The following TEX10 variants were observed in gnomAD, a reference collection of about 807,000 sequenced individuals.
TEX10 encodes testis expressed 10.
In TEX10, 24 loss-of-function variants were observed where a neutral mutation model predicts 104.4. The ratio of observed to expected loss-of-function variants is 0.23; its 90% CI spans 0.17 to 0.32. TEX10 has a LOEUF of 0.32. Among genes scored for constraint, TEX10 ranks in the 10% least tolerant of loss-of-function variants. The pLI, the probability that TEX10 is intolerant of heterozygous loss-of-function variation, is 1.00. For missense variants in TEX10, 921 were observed against 1,083.9 expected, an observed-to-expected ratio of 0.85 and a Z score of 2.11; for synonymous variants, 396 against 393.4, an observed-to-expected ratio of 1.01 and a Z score of -0.08.
At position 100,348,185 on chromosome 9, in the gene TEX10, T is replaced by C. The variant is rs530334106; in HGVS notation, c.181-779A>G. Among the ~76,000 whole-genome samples the C allele has an allele frequency of 5.9e-5, 9 of 152,380 alleles. No individual in the cohort carries two copies. The South Asian group carries it at 8.3e-4, about 14-fold the overall frequency. ...GCCAGTAACAAAAGGCCATGTATTA[T>C]ATGATTTCATTTATATGCACTTTCT... On this transcript the variant is annotated intron_variant, in intron 2 of 14. Transcript: ENST00000374902.
chr9:100,323,762 G>GT (rs1834634331), intron 9 of TEX10, among the ~76,000 whole-genome samples: 1 of 152,080 alleles, frequency 6.6e-6, no homozygotes, highest in Admixed American at 6.5e-5. Flanking sequence ...AGACAGCAAG[G>GT]TATCAGAACT....
Position 100,310,429 on chromosome 9 carries a change from G to A in TEX10, c.2203-50C>T, listed in dbSNP as rs767645559. ...AACCAAATCAGAACATTTTAGATCA[G>A]AAACAAGTTCAACAGATTCTTTTTT... On this transcript the variant is annotated intron_variant, in intron 11 of 14. Transcript: ENST00000374902. 1.1e-5 allele frequency: 17 copies of A among 1,506,456 alleles called. No homozygotes were observed. In the African/African-American group the frequency reaches 2.2e-4, roughly 20 times the overall value. The allele number at this position is 1,506,456 out of a possible 1,614,324, so 93.3% of individuals were successfully genotyped here.
At chr9:100,344,806 A>G (rs996972090) in intron 4 of TEX10, among the ~76,000 whole-genome samples, 37 of 152,236 alleles carry the variant, frequency 2.4e-4, no homozygotes, top group Admixed American at 1.2e-3. Context: ...AGATCGTGCC[A>G]CTGTACTCCA....
At chr9:100,310,078 C>G (rs1834235682) in intron 12 of TEX10, among the ~76,000 whole-genome samples, 1 of 152,090 alleles carries the variant, frequency 6.6e-6, no homozygotes, top group Non-Finnish European at 1.5e-5. Flanking sequence ...AAAGTGAGGT[C>G]CTAAGAAGAG....
At chr9:100,337,925 G>A (rs1289527218) in intron 5 of TEX10, among the ~76,000 whole-genome samples, 2 of 152,116 alleles carry the variant, frequency 1.3e-5, no homozygotes, top group African/African-American at 2.4e-5. Flanking sequence ...ATAGCACTTA[G>A]TTGTATAGTT....
In TEX10 at chr9:100,319,675, G is replaced by A. The variant is rs371333521; in HGVS notation, c.2202+590C>T. ...CAAAAAATTAGCCAGGTGCAGTGGCGCCTGCCTGTAATCCCAGCTACTTGG... is the reference window on the plus strand; with the variant it reads ...CAAAAAATTAGCCAGGTGCAGTGGCACCTGCCTGTAATCCCAGCTACTTGG... On this transcript the variant is annotated intron_variant, in intron 11 of 14. Transcript: ENST00000374902. 3.3e-5 allele frequency among the ~76,000 whole-genome samples: 5 copies of A among 151,890 alleles called. No individual in the cohort carries two copies. In the East Asian group the frequency reaches 5.8e-4, roughly 18 times the overall value.
chr9:100,313,597 C>A (rs551151208), intron 11 of TEX10, among the ~76,000 whole-genome samples: 17 of 151,532 alleles, frequency 1.1e-4, no homozygotes, highest in Admixed American at 2.6e-4. Flanking sequence ...ACCTGTAATT[C>A]CAGCACTTTG....
intron 14 of TEX10, 73 bp downstream of exon 14, chr9:100,303,559 C>CT (rs746365397): frequency 2.0e-6 from 3 of 1,530,870 alleles, no homozygotes; most frequent in Non-Finnish European, 2.7e-6. Flanking sequence ...TCAAAACACA[C>CT]TTTCCCCCAT....
chr9:100,333,481 G>T (rs985988305), intron 5 of TEX10, among the ~76,000 whole-genome samples: 14 of 151,882 alleles, frequency 9.2e-5, no homozygotes, highest in Admixed American at 6.6e-4. Context: ...TATATGGAAA[G>T]GTCAAAGACC....
At chr9:100,326,741 G>A (rs1834714784) in intron 8 of TEX10, among the ~76,000 whole-genome samples, 1 of 152,096 alleles carries the variant, frequency 6.6e-6, no homozygotes, top group Non-Finnish European at 1.5e-5. Context: ...AAAACTTTCA[G>A]GGGGGTAATA....
In TEX10 at chr9:100,346,271, G is replaced by A. The variant is rs1230738006; in HGVS notation, c.938C>T (p.Ser313Phe). ...AATAAATCCTTTCAGGTTTTCAGTAGATGACAGGCCTTCATCCACACCACT... is the reference window on the plus strand; with the variant it reads ...AATAAATCCTTTCAGGTTTTCAGTAAATGACAGGCCTTCATCCACACCACT... ...GLSGVDEGLS[S>F]TENLKGFIEI... is the part of the protein sequence containing the mutation. Residue 313 changes from serine (S) to phenylalanine (F), a missense_variant, in exon 4 of 15, where the codon TCT becomes TTT. Ser to Phe is a radical substitution (Grantham distance 155). Around this residue, in one of 3 missense-constraint regions of TEX10, gnomAD observed 753 missense variants for 868.4 expected, o/e 0.87. Transcript: ENST00000374902. 1.2e-6 allele frequency: 2 copies of A among 1,614,000 alleles called. No individual in the cohort carries two copies. The highest frequency in any genetic ancestry group is 1.7e-6 in the Non-Finnish European group (2 of 1,179,948).
chr9:100,305,223 T>G (rs1834116359), intron 13 of TEX10: 1 of 152,224 alleles, frequency 6.6e-6, no homozygotes, highest in African/African-American at 2.4e-5. Flanking sequence ...ATCTTCCTAG[T>G]TCCTAAATCT....
At position 100,308,500 on chromosome 9, in the gene TEX10, C is replaced by T; in HGVS notation, c.2465G>A (p.Arg822Lys). ...EKGEAEHLRKRDKLWGVCVSI... is the reference protein window; with the variant it reads ...EKGEAEHLRKKDKLWGVCVSI... The stretch of plus-strand genomic sequence containing the variant: ...AGGTTGAAGAATAAAAAATAATTAC[C>T]TCTTTCTTAGATGTTCTGCTTCCCC... Residue 822 changes from arginine (R) to lysine (K), a missense_variant and splice_region_variant, in exon 13 of 15, where the codon AGG (arginine) becomes AAG (lysine). This residue lies in a region of TEX10 where 753 missense variants were observed against 868.4 expected (regional missense o/e 0.87). Transcript: ENST00000374902. The T allele has an allele frequency of 6.4e-7, 1 of 1,574,706 alleles. No homozygotes were observed. Among genetic ancestry groups the T allele is most frequent in the Non-Finnish European group, 8.6e-7 (1 of 1,166,458 alleles).
At chr9:100,307,022 C>T (rs1257248539) in intron 13 of TEX10, 1 of 152,134 alleles carries the variant, frequency 6.6e-6, no homozygotes, top group African/African-American at 2.4e-5. Context: ...CTTATAAAGC[C>T]TTTTCTTGAC....
At chr9:100,337,686 G>A (rs1378212758) in intron 5 of TEX10, among the ~76,000 whole-genome samples, 1 of 152,160 alleles carries the variant, frequency 6.6e-6, no homozygotes, top group African/African-American at 2.4e-5. Flanking sequence ...CCACATCAAG[G>A]CCAGTGAAGA....
intron 2 of TEX10, among the ~76,000 whole-genome samples, chr9:100,348,297 G>A (rs1014492961): frequency 6.6e-6 from 1 of 152,210 alleles, no homozygotes; most frequent in African/African-American, 2.4e-5. Flanking sequence ...ATGGGTATAA[G>A]TTTTCTTCTT....
chr9:100,349,184 C>T lies in TEX10; in HGVS notation c.180G>A (p.Lys60=). ...TGTCAAAACATGATTTATGATTTAC[C>T]TTTATGTTAAGTTTTCTATTGTTTG... is the stretch of plus-strand genomic sequence containing the variant. The part of the protein sequence containing the change: ...LPTNNRKLNI[K]DLLSQMHHYN... Residue 60 remains lysine, a splice_region_variant and synonymous_variant, in exon 2 of 15, where the codon AAG becomes AAA. Transcript: ENST00000374902. 1.3e-6 allele frequency: 2 copies of T among 1,529,292 alleles called. No individual in the cohort carries two copies. The highest frequency in any genetic ancestry group is 2.7e-5 in the South Asian group (2 of 74,670). 94.7% of individuals were successfully genotyped at this position (1,529,292 alleles called of 1,614,324 possible). A position where few individuals can be genotyped will look rare whatever the true frequency, so the allele number is the denominator to read the frequency against.
chr9:100,329,787 A>G (rs935922832), intron 6 of TEX10, 144 bp downstream of exon 6: 1 of 729,240 alleles, frequency 1.4e-6, no homozygotes, highest in Non-Finnish European at 2.3e-6. Context: ...TCAGTGTTCA[A>G]GTAGACAGTA....
rs764670596 is a variant in TEX10 at position 100,327,851 on chromosome 9, G to A, written c.1737C>T (p.Thr579=). The change falls in exon 8 of 15, where the codon ACC becomes ACT. Residue 579 remains threonine (T), a synonymous_variant. Transcript: ENST00000374902. ...ATTCTTTATTTGCTCGTGCTGCAGCGGTATGAATGATATCGATAAGCTGTG... is the reference window on the plus strand; with the variant it reads ...ATTCTTTATTTGCTCGTGCTGCAGCAGTATGAATGATATCGATAAGCTGTG... ...LSTQLIDIIH[T]AAARANKELL... The A allele has an allele frequency of 1.9e-5, 31 of 1,604,552 alleles. No individual in the cohort carries two copies. Among genetic ancestry groups the A allele is most frequent in the African/African-American group, 6.7e-5 (5 of 74,802 alleles).
Sources: allele counts gnomAD v4.1 joint callset (sites outside exome capture counted in the v4.1 genomes callset), GRCh38; gene constraint gnomAD v4.1.1; regional missense constraint gnomAD v4.1.1; transcripts MANE v1.5; gene names NCBI Gene and HGNC (gene_info 2026-07-23, HGNC 2026-07-21).